ABCC5: variants seen among roughly 807,000 people sequenced by gnomAD.
The protein encoded by ABCC5 is ATP-binding cassette sub-family C member 5.
ABCC5 carries 61 observed loss-of-function variants against 160.9 expected under a neutral mutation model. The observed-to-expected ratio is 0.38, with a 90% CI of 0.31 to 0.47. ABCC5 has a LOEUF of 0.47. Among genes scored for constraint, ABCC5 ranks in the 20% least tolerant of loss-of-function variants. ABCC5 has a pLI of 0.99. For synonymous variants in ABCC5, 666 were observed against 700.6 expected (o/e 0.95, Z 0.78); for missense variants, 1,308 against 1,813.3 (o/e 0.72, Z 5.06).
intron 17 of ABCC5, among the ~76,000 whole-genome samples, chr3:183,956,287 T>A (rs1188312332): frequency 9.4e-5 from 14 of 148,466 alleles, no homozygotes; most frequent in East Asian, 4.0e-4. Context: ...TCCGTGTGTA[T>A]ATCACATCTG....
Position 183,987,686 on chromosome 3 carries a change from A to G in ABCC5, c.591+84T>C, listed in dbSNP as rs1199621443. ...ACTGCTACCTAGCCCAAAGCTGAGC[A>G]CAACCTCTGCAACAGAATAAGAGTG... is the stretch of plus-strand genomic sequence containing the variant. On this transcript the variant is annotated intron_variant, in intron 5 of 29. Transcript: ENST00000334444. This position sits in a 1 kb window ranked among gnomAD's most constrained non-coding sequence, Gnocchi z 4.2. 1 of 1,586,128 alleles carries G rather than the reference A, an allele frequency of 6.3e-7. No homozygotes were observed. The highest frequency in any genetic ancestry group is 8.6e-7 in the Non-Finnish European group (1 of 1,162,220).
In ABCC5 at chr3:183,961,566, C is replaced by A. The variant is rs751539982; in HGVS notation, c.2324G>T (p.Gly775Val). 1.9e-6 allele frequency: 3 copies of A among 1,614,172 alleles called. No individual in the cohort carries two copies. Among genetic ancestry groups the A allele is most frequent in the Non-Finnish European group, 2.5e-6 (3 of 1,180,022 alleles). The change falls in exon 16 of 30, where the codon GGT (glycine) becomes GTT (valine). Residue 775 changes from glycine to valine, a missense_variant. Around this residue, in one of 3 missense-constraint regions of ABCC5, gnomAD observed 1,142 missense variants for 1,527.1 expected, o/e 0.75. Coordinates refer to ENST00000334444, the MANE Select transcript of ABCC5 (RefSeq NM_005688.4). ...GTHEELMNLNGDYATIFNNLL... is the reference protein window; with the variant it reads ...GTHEELMNLNVDYATIFNNLL... ...GTTATTAAAAATGGTAGCATAGTCA[C>A]CATTTAAATTCATCAGTTCCTCATG...
chr3:183,965,101 G>A lies in ABCC5; in HGVS notation c.2031+84C>T. 4 of 1,399,140 alleles carry A rather than the reference G, an allele frequency of 2.9e-6. No homozygotes were observed. In the Admixed American group the frequency reaches 7.2e-5, roughly 25 times the overall value. The allele number at this position is 1,399,140 out of a possible 1,614,324, so 86.7% of individuals were successfully genotyped here. A position where few individuals can be genotyped will look rare whatever the true frequency, so the allele number is the denominator to read the frequency against. On this transcript the variant is annotated intron_variant, in intron 14 of 29. Coordinates refer to ENST00000334444, the MANE Select transcript of ABCC5 (RefSeq NM_005688.4). ...ACTCCCTGTGAGGCTCTTCTCCCAA[G>A]CATTTCAGTTGCACTCCCAGGAGCA...
intron 10 of ABCC5, among the ~76,000 whole-genome samples, chr3:183,973,893 T>C (rs115872395): frequency 9.1e-4 from 138 of 152,332 alleles, no homozygotes; most frequent in African/African-American, 3.0e-3. Context: ...GAAGGTCTTT[T>C]AGGCCTCAAT....
chr3:184,005,112 C>A (rs2108907586), intron 2 of ABCC5, among the ~76,000 whole-genome samples: 1 of 152,236 alleles, frequency 6.6e-6, no homozygotes, highest in East Asian at 1.9e-4. Flanking sequence ...TATTCTGAGC[C>A]ACCGAATTCC....
At chr3:183,945,709 GT>G (rs1714774625) in intron 24 of ABCC5, 140 bp downstream of exon 24, 1 of 715,998 alleles carries the variant, frequency 1.4e-6, no homozygotes, top group African/African-American at 1.7e-5. Flanking sequence ...TCCAAGCACG[GT>G]TGAGAGATTG....
chr3:184,002,335 G>A (rs1720811972), intron 2 of ABCC5, among the ~76,000 whole-genome samples: 1 of 151,580 alleles, frequency 6.6e-6, no homozygotes. Context: ...GGAGGCAGAG[G>A]GTGCAGTGAG....
rs369518015 is a variant in ABCC5 at position 183,920,196 on chromosome 3, G to C, written c.*1104C>G. ...AGTACAAAAACTTCTACGCCAGTGT[G>C]AGACACTGATTAGCAAGAGCTGCTT... is the stretch of plus-strand genomic sequence containing the variant. On this transcript the variant is annotated 3_prime_UTR_variant, in exon 30 of 30. Coordinates refer to ENST00000334444, the MANE Select transcript of ABCC5 (RefSeq NM_005688.4). The surrounding 1 kb of genome is among the most constrained non-coding windows in gnomAD (Gnocchi z 4.1). 1,505 of 152,796 alleles carry C rather than the reference G, an allele frequency of 9.8e-3. 18 individuals are homozygous for C. The highest frequency in any genetic ancestry group is 0.013 in the Non-Finnish European group (884 of 68,062). 9.5% of individuals were successfully genotyped at this position (152,796 alleles called of 1,614,324 possible). A position where few individuals can be genotyped will look rare whatever the true frequency, so the allele number is the denominator to read the frequency against.
intron 12 of ABCC5, 147 bp downstream of exon 12, chr3:183,967,548 G>C (rs1389315325): frequency 2.5e-5 from 18 of 713,666 alleles, no homozygotes; most frequent in Non-Finnish European, 4.2e-5. Flanking sequence ...GAACTGGGGG[G>C]AACTGCGGGG....
At chr3:184,012,050 T>C (rs913591519) in intron 2 of ABCC5, among the ~76,000 whole-genome samples, 2 of 101,756 alleles carry the variant, frequency 2.0e-5, no homozygotes, top group African/African-American at 6.4e-5. Flanking sequence ...CACACACAAA[T>C]GAGTGCATAT....
At chr3:183,965,667 A>G (rs1717152134) in intron 12 of ABCC5, among the ~76,000 whole-genome samples, 166 bp from the exon 13 acceptor site, 1 of 152,236 alleles carries the variant, frequency 6.6e-6, no homozygotes, top group Non-Finnish European at 1.5e-5. Context: ...CTAAGCAGCA[A>G]AGAAAATCAA....
chr3:183,945,902 G>A lies in ABCC5; in HGVS notation c.3452C>T (p.Ser1151Phe). 2 of 1,614,164 alleles carry A rather than the reference G, an allele frequency of 1.2e-6. No homozygotes were observed. The highest frequency in any genetic ancestry group is 1.7e-6 in the Non-Finnish European group (2 of 1,180,012). ...GLFQFTVRLA[S>F]ETEARFTSVE... ...CGAGGTGAATCGAGCTTCTGTCTCA[G>A]ATGCCAGTCTGACCGTAAACTGGAA... Residue 1151 changes from serine (S) to phenylalanine (F), a missense_variant, in exon 24 of 30, where the codon TCT becomes TTT. Ser to Phe is a radical substitution (Grantham distance 155). Transcript: ENST00000334444.
At position 183,988,667 on chromosome 3, in the gene ABCC5, A is replaced by G; in HGVS notation, c.348T>C (p.Ser116=). 1 of 1,614,266 alleles carries G rather than the reference A, an allele frequency of 6.2e-7. No individual in the cohort carries two copies. Among genetic ancestry groups the G allele is most frequent in the South Asian group, 1.1e-5 (1 of 91,090 alleles). The change falls in exon 4 of 30, where the codon TCT becomes TCC. Residue 116 remains serine (S), a synonymous_variant. Transcript: ENST00000334444. This position sits in a 1 kb window ranked among gnomAD's most constrained non-coding sequence, Gnocchi z 4.4. ...LFSCMTFSWL[S]SLARVAHKKG... is the part of the protein sequence containing the mutation. ...TCTTGTGGGCCACACGGGCCAGAGA[A>G]GAAAGCCACGAAAAAGTCATACAGG...
At position 183,963,478 on chromosome 3, in the gene ABCC5, G is replaced by C; in HGVS notation, c.2142C>G (p.Ala714=). 1 of 1,614,252 alleles carries C rather than the reference G, an allele frequency of 6.2e-7. No individual in the cohort carries two copies. Among genetic ancestry groups the C allele is most frequent in the South Asian group, 1.1e-5 (1 of 91,086 alleles). The change falls in exon 15 of 30, where the codon GCC becomes GCG. Residue 714 remains alanine, a synonymous_variant. Coordinates refer to ENST00000334444, the MANE Select transcript of ABCC5 (RefSeq NM_005688.4). The surrounding 1 kb of genome is among the most constrained non-coding windows in gnomAD (Gnocchi z 4.6). Reference sequence around the variant, plus strand: ...TGTGGTTGCCCACATGGGCATCTAAGGCACTGAGGGGGTCGTCCAGGATGT... The same window carrying C: ...TGTGGTTGCCCACATGGGCATCTAACGCACTGAGGGGGTCGTCCAGGATGT... ...SIYILDDPLS[A]LDAHVGNHIF...
At position 183,988,894 on chromosome 3, in the gene ABCC5, G is replaced by A. The variant is rs1357848285; in HGVS notation, c.288-167C>T. On this transcript the variant is annotated intron_variant, in intron 3 of 29. Transcript: ENST00000334444. The surrounding 1 kb of genome is among the most constrained non-coding windows in gnomAD (Gnocchi z 4.4). Reference sequence around the variant, plus strand: ...AAAACGGCTTTGATGGGCCGGGCGCGGTGGCTCACACCTGTAATCCCAGCA... The same window carrying A: ...AAAACGGCTTTGATGGGCCGGGCGCAGTGGCTCACACCTGTAATCCCAGCA... Among the ~76,000 whole-genome samples, 16 of 152,214 alleles carry A rather than the reference G, an allele frequency of 1.1e-4. No homozygotes were observed. The East Asian group carries it at 1.9e-3, about 18-fold the overall frequency.
chr3:184,011,990 A>G (rs1721783472), intron 2 of ABCC5, among the ~76,000 whole-genome samples: 2 of 148,842 alleles, frequency 1.3e-5, no homozygotes, highest in African/African-American at 5.0e-5. Flanking sequence ...ACAAATTTAC[A>G]CCTTTAAAAA....
intron 16 of ABCC5, among the ~76,000 whole-genome samples, chr3:183,961,070 A>G: frequency 6.6e-6 from 1 of 152,200 alleles, no homozygotes; most frequent in South Asian, 2.1e-4. Context: ...ATTACCAGCA[A>G]GAGCCGCAGC....
At position 183,987,415 on chromosome 3, in the gene ABCC5, G is replaced by C; in HGVS notation, c.591+355C>G. The C allele has an allele frequency of 2.0e-6, 1 of 508,270 alleles. No homozygotes were observed. The highest frequency in any genetic ancestry group is 3.2e-5 in the South Asian group (1 of 31,628). 31.5% of individuals were successfully genotyped at this position (508,270 alleles called of 1,614,324 possible). On this transcript the variant is annotated intron_variant, in intron 5 of 29. Coordinates refer to ENST00000334444, the MANE Select transcript of ABCC5 (RefSeq NM_005688.4). This position sits in a 1 kb window ranked among gnomAD's most constrained non-coding sequence, Gnocchi z 4.2. ...GTTCCCGGTGCTGGCTCACCAGCCC[G>C]GGCCACACAACGTGCTCTCACCCAC...
At chr3:183,989,492 G>A in intron 2 of ABCC5, 109 bp from the exon 3 acceptor site, 1 of 1,159,526 alleles carries the variant, frequency 8.6e-7, no homozygotes, top group East Asian at 2.5e-5. Context: ...TCTTAACTGA[G>A]AAATTCCAAG....
Sources: gnomAD v4.1 joint callset for allele counts (sites outside exome capture counted in the v4.1 genomes callset) on GRCh38, gnomAD v4.1.1 for gene constraint, gnomAD v4.1.1 regional missense constraint, Gnocchi (gnomAD v3.1) non-coding constraint, MANE v1.5 for transcripts, NCBI Gene and HGNC (gene_info 2026-07-23, HGNC 2026-07-21) for gene names.